Variants in PLCZ1 observed in about 807,000 individuals in gnomAD.
PLCZ1 encodes phospholipase C zeta 1.
Under a neutral mutation model 76.8 loss-of-function variants are expected in PLCZ1, and 64 were observed. The observed-to-expected ratio is 0.83, with a 90% CI of 0.68 to 1.03. The LOEUF (loss-of-function observed/expected upper bound fraction) is 1.03, where lower values mean the gene tolerates loss of function less well. Among genes scored for constraint, PLCZ1 ranks in the 50% least tolerant of loss-of-function variants. The probability of loss-of-function intolerance (pLI) is 0.00; values close to 1 mark genes in which losing one functional copy is unlikely to be tolerated. For synonymous variants in PLCZ1, 248 were observed against 230.8 expected, an observed-to-expected ratio of 1.07 and a Z score of -0.68; for missense variants, 751 against 713.7, an observed-to-expected ratio of 1.05 and a Z score of -0.60.
chr12:18,697,267 T>C (rs1036543283), intron 10 of PLCZ1, among the ~76,000 whole-genome samples: 2 of 152,136 alleles, frequency 1.3e-5, no homozygotes, highest in Non-Finnish European at 2.9e-5. Context: ...TTAGGAAGCA[T>C]TGTCAAATTA....
chr12:18,650,678 G>A, the PLCZ1 span, among the ~76,000 whole-genome samples: 2 of 36,134 alleles, frequency 5.5e-5, no homozygotes, highest in Non-Finnish European at 8.5e-5. Context: ...GTGTGTGTGT[G>A]TGTGTGTGTG....
chr12:18,704,638 G>A (rs1956370783), intron 7 of PLCZ1, among the ~76,000 whole-genome samples: 1 of 151,936 alleles, frequency 6.6e-6, no homozygotes, highest in Non-Finnish European at 1.5e-5. Context: ...TAGAGAGGGA[G>A]TAATAAAGAG....
rs762349153 is a variant in PLCZ1 at position 18,688,207 on chromosome 12, A to G, written c.1473T>C (p.Gly491=). The stretch of plus-strand genomic sequence containing the variant: ...ATGAATGAGTAAGAGGCAACTGGAT[A>G]CCACTGATGAGCTGCACAAATATAT... ...PITLTIRLIS[G]IQLPLTHSSS... Residue 491 remains glycine (G), a synonymous_variant, in exon 13 of 15, where the codon GGT becomes GGC. Transcript: ENST00000266505. The G allele has an allele frequency of 3.5e-5, 57 of 1,608,986 alleles. No homozygotes were observed. The East Asian group carries it at 1.3e-3, about 35-fold the overall frequency.
At chr12:18,697,179 G>T (rs922220594) in intron 10 of PLCZ1, among the ~76,000 whole-genome samples, 1 of 151,992 alleles carries the variant, frequency 6.6e-6, no homozygotes, top group Non-Finnish European at 1.5e-5. Flanking sequence ...TGGGAGAATG[G>T]TTACTGCTTA....
At chr12:18,690,902 G>T (rs1009217056) in intron 12 of PLCZ1, among the ~76,000 whole-genome samples, 1 of 152,244 alleles carries the variant, frequency 6.6e-6, no homozygotes, top group Non-Finnish European at 1.5e-5. Context: ...GTAGGGCAAG[G>T]CCTGACTAAG....
chr12:18,700,930 C>T (rs2137255873), intron 9 of PLCZ1, among the ~76,000 whole-genome samples: 1 of 151,994 alleles, frequency 6.6e-6, no homozygotes, highest in South Asian at 2.1e-4. Flanking sequence ...GCATCTTTTG[C>T]ACTTCGCACA....
chr12:18,692,123 T>G (rs753263008), intron 12 of PLCZ1, among the ~76,000 whole-genome samples: 2 of 152,074 alleles, frequency 1.3e-5, no homozygotes, highest in Non-Finnish European at 1.5e-5. Context: ...AGCCAGGTAA[T>G]GGGGAGCAGA....
At chr12:18,715,718 C>G (rs1957910920) in intron 5 of PLCZ1, 1 of 152,094 alleles carries the variant, frequency 6.6e-6, no homozygotes. Flanking sequence ...TAAAGTGCAG[C>G]CTCGAAGTCC....
At chr12:18,705,071 C>T in intron 7 of PLCZ1, 95 bp downstream of exon 7, 1 of 1,468,826 alleles carries the variant, frequency 6.8e-7, no homozygotes, top group Non-Finnish European at 9.5e-7. Context: ...TAAGCATTTT[C>T]ATTGGTCTCT....
chr12:18,653,919 A>G, the PLCZ1 span, among the ~76,000 whole-genome samples: 773 of 152,286 alleles, frequency 5.1e-3, 8 homozygotes, highest in African/African-American at 0.018. Context: ...AGCAATTTAA[A>G]GGACTATACC....
chr12:18,653,953 T>G, the PLCZ1 span, among the ~76,000 whole-genome samples: 1 of 152,060 alleles, frequency 6.6e-6, no homozygotes, highest in African/African-American at 2.4e-5. Flanking sequence ...GCTCCATGAT[T>G]CCGATTTACC....
chr12:18,679,639 A>C (rs1952240471), downstream of PLCZ1, among the ~76,000 whole-genome samples: 1 of 152,002 alleles, frequency 6.6e-6, no homozygotes, highest in Non-Finnish European at 1.5e-5. Context: ...TGAAAGGATT[A>C]AGATTAATTT....
chr12:18,712,913 G>C lies in PLCZ1; in HGVS notation c.643C>G (p.His215Asp). ...AGTTTGCTTGTGAGTGTGTAGCCAT[G>C]ATATACAACAGGTTCATTTTGTGCT... ...DGAQNEPVVYHGYTLTSKLLF... is the reference protein window; with the variant it reads ...DGAQNEPVVYDGYTLTSKLLF... Residue 215 changes from histidine (H) to aspartate (D), a missense_variant, in exon 6 of 15, where the codon CAT becomes GAT. By Grantham distance (81) the His-to-Asp change is moderately conservative. Transcript: ENST00000266505. 6.2e-7 allele frequency: 1 copy of C among 1,613,914 alleles called. No homozygotes were observed. Among genetic ancestry groups the C allele is most frequent in the Non-Finnish European group, 8.5e-7 (1 of 1,179,862 alleles).
rs373995875 is a variant in PLCZ1, at chr12:18,700,006, T to C, written c.1018-56A>G. 1.6e-5 allele frequency: 23 copies of C among 1,461,514 alleles called. No homozygotes were observed. The African/African-American group carries it at 1.7e-4, about 11-fold the overall frequency. The allele number at this position is 1,461,514 out of a possible 1,614,324, so 90.5% of individuals were successfully genotyped here. ...TTATGCTAATCATTGGGAAAAAAAA[T>C]TTTTTCTAGTAAAGAAAATACACTT... On this transcript the variant is annotated intron_variant, in intron 9 of 14. Coordinates refer to ENST00000266505, the MANE Select transcript of PLCZ1 (RefSeq NM_033123.4).
intron 12 of PLCZ1, among the ~76,000 whole-genome samples, chr12:18,690,007 G>C (rs747669907): frequency 1.8e-4 from 27 of 152,094 alleles, no homozygotes; most frequent in Non-Finnish European, 1.9e-4. Flanking sequence ...CTCAACAAGA[G>C]ACTCCTCAGA....
At chr12:18,691,568 G>A (rs1954088185) in intron 12 of PLCZ1, among the ~76,000 whole-genome samples, 1 of 152,132 alleles carries the variant, frequency 6.6e-6, no homozygotes, top group African/African-American at 2.4e-5. Flanking sequence ...CACTTGGAAG[G>A]TAGGGGGTAA....
the PLCZ1 span, among the ~76,000 whole-genome samples, chr12:18,650,702 G>GTATATA: frequency 1.8e-4 from 5 of 27,690 alleles, no homozygotes; most frequent in East Asian, 6.4e-3. Context: ...GTGTGTGTGT[G>GTATATA]TGTATATATC....
downstream of PLCZ1, among the ~76,000 whole-genome samples, chr12:18,679,582 C>T (rs1024067530): frequency 6.6e-6 from 1 of 151,818 alleles, no homozygotes; most frequent in Non-Finnish European, 1.5e-5. Flanking sequence ...TAAACATTGC[C>T]TCAATGTTTC....
intron 10 of PLCZ1, among the ~76,000 whole-genome samples, chr12:18,697,257 T>G (rs1287801822): frequency 1.3e-4 from 20 of 152,130 alleles, no homozygotes; most frequent in Non-Finnish European, 4.4e-5. Flanking sequence ...ATACTATTAT[T>G]TAGGAAGCAT....
Sources: gnomAD v4.1 joint callset for allele counts (sites outside exome capture counted in the v4.1 genomes callset) on GRCh38, gnomAD v4.1.1 for gene constraint, MANE v1.5 for transcripts, NCBI Gene and HGNC (gene_info 2026-07-23, HGNC 2026-07-21) for gene names.